TBC1D32: variants seen among roughly 807,000 people sequenced by gnomAD.
TBC1D32 encodes the protein TBC1 domain family member 32, also known as protein broad-minded.
Under a neutral mutation model 170.3 loss-of-function variants are expected in TBC1D32, and 151 were observed. That is an observed-to-expected ratio of 0.89 (90% CI 0.78 to 1.01). TBC1D32 has a LOEUF of 1.01. Among genes scored for constraint, TBC1D32 ranks in the 50% least tolerant of loss-of-function variants. TBC1D32 has a pLI of 0.00. For synonymous variants in TBC1D32, 498 were observed against 488.0 expected, an observed-to-expected ratio of 1.02 and a Z score of -0.27; for missense variants, 1,464 against 1,457.1, an observed-to-expected ratio of 1.00 and a Z score of -0.08.
chr6:121,242,432 A>G (rs1010654338), intron 17 of TBC1D32, 93 bp from the exon 18 acceptor site: 1 of 1,261,078 alleles, frequency 7.9e-7, no homozygotes, highest in Non-Finnish European at 1.1e-6. Flanking sequence ...CCTGTTTACA[A>G]TTAAAGTTAC....
At chr6:121,239,761 C>T (rs778086901) in intron 19 of TBC1D32, among the ~76,000 whole-genome samples, 3 of 151,774 alleles carry the variant, frequency 2.0e-5, no homozygotes, top group Admixed American at 6.6e-5. Flanking sequence ...TACAACTAAA[C>T]GAAAATGAAT....
In TBC1D32 at chr6:121,294,294, T is replaced by C. The variant is rs558434515; in HGVS notation, c.1231+276A>G. Among the ~76,000 whole-genome samples the C allele has an allele frequency of 5.9e-5, 9 of 152,282 alleles. No homozygotes were observed. The East Asian group carries it at 1.7e-3, about 29-fold the overall frequency. On this transcript the variant is annotated intron_variant, in intron 11 of 31. Transcript: ENST00000398212. ...GGATGGACTGTATATTGTTGTAATA[T>C]AACAGATTAGGATACATGCCCTAGT...
chr6:121,184,222 G>C (rs1422086535), intron 22 of TBC1D32, among the ~76,000 whole-genome samples: 3 of 151,900 alleles, frequency 2.0e-5, no homozygotes, highest in African/African-American at 7.2e-5. Context: ...TAGCAAGCCA[G>C]AGGTCATGAT....
At chr6:121,086,776 G>T (rs1327993650) in intron 31 of TBC1D32, among the ~76,000 whole-genome samples, 1 of 152,152 alleles carries the variant, frequency 6.6e-6, no homozygotes, top group Non-Finnish European at 1.5e-5. Context: ...CTATTAGCAT[G>T]TTAGAGAAGA....
At chr6:121,122,956 T>C (rs1340789255) in intron 26 of TBC1D32, among the ~76,000 whole-genome samples, 1 of 152,042 alleles carries the variant, frequency 6.6e-6, no homozygotes, top group South Asian at 2.1e-4. Context: ...GACTTTATGC[T>C]ATGGTCAATG....
At chr6:121,297,447 G>A (rs1343077367) in intron 10 of TBC1D32, among the ~76,000 whole-genome samples, 1 of 152,130 alleles carries the variant, frequency 6.6e-6, no homozygotes, top group Admixed American at 6.5e-5. Context: ...TCAGAGAGCA[G>A]TAAAAATGGC....
intron 12 of TBC1D32, among the ~76,000 whole-genome samples, chr6:121,288,997 C>G (rs985467154): frequency 4.6e-5 from 7 of 152,044 alleles, no homozygotes; most frequent in Admixed American, 6.6e-5. Flanking sequence ...ATTGATGGGA[C>G]GTATCTCAAA....
At chr6:121,280,955 C>A (rs1802904843) in intron 14 of TBC1D32, among the ~76,000 whole-genome samples, 1 of 151,754 alleles carries the variant, frequency 6.6e-6, no homozygotes, top group Admixed American at 6.6e-5. Flanking sequence ...GAACAGACAC[C>A]CAAACTAGTG....
intron 15 of TBC1D32, among the ~76,000 whole-genome samples, chr6:121,262,706 A>G (rs558006801): frequency 6.6e-6 from 1 of 152,198 alleles, no homozygotes; most frequent in East Asian, 1.9e-4. Context: ...CGAACTCCTG[A>G]CCTCAGGTGA....
rs1397144412 is a variant in TBC1D32 at position 121,238,031 on chromosome 6, T to C, written c.2364+1039A>G. ...AAACTGAACTCTCTAACACCTATGA[T>C]AGGTAGCATCTGATATTTCTTTACA... On this transcript the variant is annotated intron_variant, in intron 20 of 31. Coordinates refer to ENST00000398212, the MANE Select transcript of TBC1D32 (RefSeq NM_152730.6). 2.6e-5 allele frequency among the ~76,000 whole-genome samples: 4 copies of C among 152,116 alleles called. No homozygotes were observed. In the East Asian group the frequency reaches 7.7e-4, roughly 29 times the overall value.
chr6:121,217,481 G>A (rs1401997635), intron 21 of TBC1D32, among the ~76,000 whole-genome samples: 2 of 152,196 alleles, frequency 1.3e-5, no homozygotes, highest in African/African-American at 2.4e-5. Flanking sequence ...CAGCATTTAA[G>A]AAGAACAAGA....
intron 13 of TBC1D32, among the ~76,000 whole-genome samples, chr6:121,282,984 G>A (rs1583555058): frequency 6.6e-6 from 1 of 151,806 alleles, no homozygotes; most frequent in African/African-American, 2.4e-5. Context: ...AATAGATTCA[G>A]AAGGTACATG....
intron 19 of TBC1D32, among the ~76,000 whole-genome samples, chr6:121,240,003 T>C (rs752751781): frequency 2.0e-5 from 3 of 152,182 alleles, no homozygotes; most frequent in Non-Finnish European, 4.4e-5. Context: ...AAAAATCCTG[T>C]GACTTCTTGG....
chr6:121,278,560 T>C (rs182720961), intron 15 of TBC1D32, among the ~76,000 whole-genome samples: 13 of 152,254 alleles, frequency 8.5e-5, no homozygotes, highest in Admixed American at 7.8e-4. Flanking sequence ...GGGAAATGTT[T>C]GAATAAATTG....
intron 20 of TBC1D32, among the ~76,000 whole-genome samples, chr6:121,226,010 T>C (rs1169725275): frequency 6.6e-6 from 1 of 152,108 alleles, no homozygotes. Flanking sequence ...AGGAAACTAA[T>C]GAAAAGTCAA....
intron 29 of TBC1D32, among the ~76,000 whole-genome samples, chr6:121,107,047 A>C (rs1418807516): frequency 6.6e-6 from 1 of 151,922 alleles, no homozygotes; most frequent in Non-Finnish European, 1.5e-5. Flanking sequence ...TCAACAAAAA[A>C]AGTTAATCAA....
Position 121,303,642 on chromosome 6 carries a change from T to G in TBC1D32, c.1055A>C (p.Lys352Thr), listed in dbSNP as rs555955350. Reference sequence around the variant, plus strand: ...CATCCACTTTTTGAACCACACAGCCTTGGTATCAACTAATGCAAAAAAGTA... The same window carrying G: ...CATCCACTTTTTGAACCACACAGCCGTGGTATCAACTAATGCAAAAAAGTA... ...PIYFFALVDT[K>T]AVWFKKWMHA... Residue 352 changes from lysine to threonine, a missense_variant, in exon 9 of 32, where the codon AAG becomes ACG. By Grantham distance (78) the Lys-to-Thr change is moderately conservative. Around this residue, in one of 3 missense-constraint regions of TBC1D32, gnomAD observed 1,363 missense variants for 1,338.1 expected, o/e 1.02. Transcript: ENST00000398212. The G allele has an allele frequency of 3.8e-6, 6 of 1,586,122 alleles. No individual in the cohort carries two copies. In the East Asian group the frequency reaches 1.1e-4, roughly 30 times the overall value.
At position 121,115,185 on chromosome 6, in the gene TBC1D32, T is replaced by C; in HGVS notation, c.3040A>G (p.Lys1014Glu). 1.3e-6 allele frequency: 2 copies of C among 1,598,380 alleles called. No homozygotes were observed. The highest frequency in any genetic ancestry group is 1.7e-6 in the Non-Finnish European group (2 of 1,171,080). Reference protein sequence around the residue: ...SLSSVQQLGIKMTVRYGKFLS... With the variant: ...SLSSVQQLGIEMTVRYGKFLS... The stretch of plus-strand genomic sequence containing the variant: ...CCTATAATATACCTGACAGTCATTT[T>C]AATGCCAAGCTGCTGCACAGATGAA... The change falls in exon 27 of 32, where the codon AAA (lysine) becomes GAA (glutamate). Residue 1014 changes from lysine (K) to glutamate (E), a missense_variant. This residue lies in a region of TBC1D32 where 1,363 missense variants were observed against 1,338.1 expected (regional missense o/e 1.02). Coordinates refer to ENST00000398212, the MANE Select transcript of TBC1D32 (RefSeq NM_152730.6).
chr6:121,302,171 A>G lies in TBC1D32; in HGVS notation c.1080+1446T>C, dbSNP rs374738627. 1.6e-4 allele frequency among the ~76,000 whole-genome samples: 25 copies of G among 152,316 alleles called. No homozygotes were observed. In the South Asian group the frequency reaches 5.0e-3, roughly 30 times the overall value. On this transcript the variant is annotated intron_variant, in intron 9 of 31. Coordinates refer to ENST00000398212, the MANE Select transcript of TBC1D32 (RefSeq NM_152730.6). Reference sequence around the variant, plus strand: ...AGGGTCAACAAACTACAGCCCTCAGATTAAATTCTGCCTAGACCCACTTTT... The same window carrying G: ...AGGGTCAACAAACTACAGCCCTCAGGTTAAATTCTGCCTAGACCCACTTTT...
Sources: allele counts gnomAD v4.1 joint callset (sites outside exome capture counted in the v4.1 genomes callset), GRCh38; gene constraint gnomAD v4.1.1; regional missense constraint gnomAD v4.1.1; transcripts MANE v1.5; gene names NCBI Gene and HGNC (gene_info 2026-07-23, HGNC 2026-07-21).